Variants in DIP2C observed in about 807,000 individuals in gnomAD.
DIP2C encodes disco-interacting protein 2 homolog C.
In DIP2C, 33 loss-of-function variants were observed where a neutral mutation model predicts 192.4. The ratio of observed to expected loss-of-function variants is 0.17; its 90% CI spans 0.13 to 0.23. DIP2C has a LOEUF of 0.23. Among genes scored for constraint, DIP2C ranks in the 10% least tolerant of loss-of-function variants. The pLI is 1.00. For missense variants in DIP2C, 1,537 were observed against 2,110.1 expected, an observed-to-expected ratio of 0.73 and a Z score of 5.32; for synonymous variants, 979 against 864.1, an observed-to-expected ratio of 1.13 and a Z score of -2.33.
Position 531,700 on chromosome 10 carries a change from G to A in DIP2C, c.86-45170C>T, listed in dbSNP as rs535358615. On this transcript the variant is annotated intron_variant, in intron 1 of 36. Transcript: ENST00000280886. ...ATTCTTGGCCTGTCCTGGGGTGTGG[G>A]GAAATCAGGATGCAAGCAGATATCA... Among the ~76,000 whole-genome samples, 11 of 152,174 alleles carry A rather than the reference G, an allele frequency of 7.2e-5. No individual in the cohort carries two copies. In the South Asian group the frequency reaches 2.3e-3, roughly 32 times the overall value.
At chr10:529,207 C>T (rs1761912792) in intron 1 of DIP2C, among the ~76,000 whole-genome samples, 1 of 152,196 alleles carries the variant, frequency 6.6e-6, no homozygotes, top group South Asian at 2.1e-4. Context: ...ACCCGGTCTT[C>T]CTCTATACCA....
intron 1 of DIP2C, among the ~76,000 whole-genome samples, chr10:586,979 C>T (rs1002078789): frequency 1.3e-5 from 2 of 151,938 alleles, no homozygotes; most frequent in Non-Finnish European, 2.9e-5. Flanking sequence ...CTACCCGGGT[C>T]CCCACTGACA....
At chr10:483,179 A>G (rs1843731335) in intron 2 of DIP2C, among the ~76,000 whole-genome samples, 1 of 152,236 alleles carries the variant, frequency 6.6e-6, no homozygotes, top group Non-Finnish European at 1.5e-5. Flanking sequence ...ACATCCTAGA[A>G]ACACTTTTAG....
At chr10:362,430 G>A in intron 22 of DIP2C, 60 bp downstream of exon 22, 1 of 1,572,096 alleles carries the variant, frequency 6.4e-7, no homozygotes. Context: ...GCACCTCCCA[G>A]TGCCGTGCAG....
chr10:514,194 G>C (rs531040269), intron 1 of DIP2C, among the ~76,000 whole-genome samples: 1 of 149,718 alleles, frequency 6.7e-6, no homozygotes, highest in East Asian at 1.9e-4. Context: ...TAATACTGAA[G>C]AACCACCCCC....
intron 1 of DIP2C, among the ~76,000 whole-genome samples, chr10:558,339 G>A (rs1334716521): frequency 1.3e-5 from 2 of 152,166 alleles, no homozygotes; most frequent in East Asian, 1.9e-4. Flanking sequence ...AGGATGGGAG[G>A]ACTCGAGTCA....
rs565245238 is a variant in DIP2C at position 577,296 on chromosome 10, G to A, written c.86-90766C>T. Among the ~76,000 whole-genome samples the A allele has an allele frequency of 2.6e-5, 4 of 152,322 alleles. No homozygotes were observed. The South Asian group carries it at 8.3e-4, about 32-fold the overall frequency. On this transcript the variant is annotated intron_variant, in intron 1 of 36. Transcript: ENST00000280886. ...AATACAGTTTATCACTAATTCACTAGCGATTAGCAAAAATTTAGAGGAAGA... is the reference window on the plus strand; with the variant it reads ...AATACAGTTTATCACTAATTCACTAACGATTAGCAAAAATTTAGAGGAAGA...
intron 1 of DIP2C, among the ~76,000 whole-genome samples, chr10:513,190 T>TA (rs1198414203): frequency 2.6e-5 from 4 of 152,230 alleles, no homozygotes; most frequent in African/African-American, 9.6e-5. Flanking sequence ...GCTGTATGCC[T>TA]AAATTATTAC....
chr10:465,462 C>T (rs1339091208), intron 3 of DIP2C, among the ~76,000 whole-genome samples: 5 of 151,970 alleles, frequency 3.3e-5, no homozygotes, highest in African/African-American at 9.7e-5. Flanking sequence ...GAAGCATTCC[C>T]TTTGAAAACT....
rs528806815 is a variant in DIP2C at position 564,080 on chromosome 10, A to C, written c.86-77550T>G. Among the ~76,000 whole-genome samples, 56 of 152,354 alleles carry C rather than the reference A, an allele frequency of 3.7e-4. No homozygotes were observed. The South Asian group carries it at 8.7e-3, about 24-fold the overall frequency. ...GTGGAATCTGCTAAGATGTGTCATA[A>C]CTAATCAGGTAAAAAATATGGAACA... On this transcript the variant is annotated intron_variant, in intron 1 of 36. Transcript: ENST00000280886.
intron 10 of DIP2C, among the ~76,000 whole-genome samples, chr10:392,574 C>T (rs886840161): frequency 7.2e-5 from 11 of 152,192 alleles, no homozygotes; most frequent in African/African-American, 2.2e-4. Flanking sequence ...CCCCCCGCGG[C>T]CCCGTCAGAC....
At position 366,301 on chromosome 10, in the gene DIP2C, A is replaced by C. The variant is rs760096335; in HGVS notation, c.2242T>G (p.Ser748Ala). ...TCAAAGGTGTTCTTGGTCATGCCAG[A>C]GAGGCCATAGTAGGACGTGCCCGTC... ...VATGTSYYGL[S>A]GMTKNTFEVF... The change falls in exon 19 of 37, where the codon TCT becomes GCT. Residue 748 changes from serine (S) to alanine (A), a missense_variant. By Grantham distance (99) the Ser-to-Ala change is moderately conservative (BLOSUM62 1). Around this residue, in one of 4 missense-constraint regions of DIP2C, gnomAD observed 677 missense variants for 989.9 expected, o/e 0.68. Transcript: ENST00000280886. 6.2e-7 allele frequency: 1 copy of C among 1,613,882 alleles called. No homozygotes were observed. Among genetic ancestry groups the C allele is most frequent in the Non-Finnish European group, 8.5e-7 (1 of 1,179,926 alleles).
At chr10:464,798 A>G (rs1188654290) in intron 3 of DIP2C, among the ~76,000 whole-genome samples, 1 of 152,204 alleles carries the variant, frequency 6.6e-6, no homozygotes, top group Non-Finnish European at 1.5e-5. Context: ...AGAAATGGAT[A>G]CATTCCTCGA....
chr10:310,023 T>C lies in DIP2C; in HGVS notation c.3986+8A>G. ...GAAAAAAAGAAAAAACCCAGAAGTG[T>C]ACAGTACCTGTCGTGTCTCAGGGCT... On this transcript the variant is annotated splice_region_variant and intron_variant, in intron 32 of 36. Transcript: ENST00000280886. The C allele has an allele frequency of 2.5e-6, 4 of 1,614,064 alleles. No individual in the cohort carries two copies. Among genetic ancestry groups the C allele is most frequent in the African/African-American group, 1.3e-5 (1 of 75,038 alleles).
chr10:371,522 C>T (rs1960953675), intron 17 of DIP2C, among the ~76,000 whole-genome samples: 1 of 152,198 alleles, frequency 6.6e-6, no homozygotes, highest in African/African-American at 2.4e-5. Context: ...GAGGTCCTGA[C>T]ACAGGGAGAA....
At position 649,877 on chromosome 10, in the gene DIP2C, T is replaced by C. The variant is rs73574409; in HGVS notation, c.85+39617A>G. On this transcript the variant is annotated intron_variant, in intron 1 of 36. Transcript: ENST00000280886. Reference sequence around the variant, plus strand: ...GAAGCATGCCTTATTATCAAACAGGTGCATGGTCCCCTTGTGGGGGGGTGC... The same window carrying C: ...GAAGCATGCCTTATTATCAAACAGGCGCATGGTCCCCTTGTGGGGGGGTGC... 2.3e-3 allele frequency: 1,281 copies of C among 561,836 alleles called. 18 individuals are homozygous for C. The highest frequency in any genetic ancestry group is 0.023 in the African/African-American group (1,200 of 52,792). The allele number at this position is 561,836 out of a possible 1,614,324, so 34.8% of individuals were successfully genotyped here.
chr10:375,844 C>G (rs1451379357), intron 17 of DIP2C, among the ~76,000 whole-genome samples: 2 of 146,266 alleles, frequency 1.4e-5, no homozygotes, highest in African/African-American at 5.1e-5. Flanking sequence ...TGCTGAATCC[C>G]TTAAGCAAGT....
At chr10:389,219 T>C (rs1237407448) in intron 13 of DIP2C, among the ~76,000 whole-genome samples, 1 of 150,484 alleles carries the variant, frequency 6.6e-6, no homozygotes, top group Non-Finnish European at 1.5e-5. Flanking sequence ...TCTCAAGGGG[T>C]CTCAAAGGGC....
chr10:295,956 T>C lies in DIP2C; in HGVS notation c.3987-7535A>G, dbSNP rs562753540. On this transcript the variant is annotated intron_variant, in intron 32 of 36. Coordinates refer to ENST00000280886, the MANE Select transcript of DIP2C (RefSeq NM_014974.3). ...TCTGTTCATATCCTTCGCCCACTTT[T>C]TGATGGGGTTGTTTGACTCTTTCTT... Among the ~76,000 whole-genome samples, 16 of 152,368 alleles carry C rather than the reference T, an allele frequency of 1.1e-4. 1 individual carries two copies. The South Asian group carries it at 1.9e-3, about 18-fold the overall frequency.
Sources: allele counts gnomAD v4.1 joint callset (sites outside exome capture counted in the v4.1 genomes callset), GRCh38; gene constraint gnomAD v4.1.1; regional missense constraint gnomAD v4.1.1; transcripts MANE v1.5; gene names NCBI Gene and HGNC (gene_info 2026-07-23, HGNC 2026-07-21).